GALNT13: variants seen among roughly 807,000 people sequenced by gnomAD.
GALNT13 encodes UDP-GalNAc:polypeptide N-acetylgalactosaminyltransferase 13.
GALNT13 carries 28 observed loss-of-function variants against 64.2 expected under a neutral mutation model. The ratio of observed to expected loss-of-function variants is 0.44; its 90% CI spans 0.32 to 0.60. GALNT13 has a LOEUF of 0.60. Ranked by LOEUF, GALNT13 falls within the 20% of genes least tolerant of loss-of-function variation. The pLI is 0.05. For missense variants in GALNT13, 577 were observed against 669.8 expected, an observed-to-expected ratio of 0.86 and a Z score of 1.53; for synonymous variants, 214 against 224.6, an observed-to-expected ratio of 0.95 and a Z score of 0.42.
At chr2:154,052,734 C>CTTTTT (rs548779869) in intron 3 of GALNT13, among the ~76,000 whole-genome samples, 3 of 123,132 alleles carry the variant, frequency 2.4e-5, no homozygotes, top group African/African-American at 3.0e-5. Flanking sequence ...ACAGAATTGA[C>CTTTTT]TTTTTTTTTT....
chr2:153,777,978 A>C, the GALNT13 span, among the ~76,000 whole-genome samples: 3 of 152,288 alleles, frequency 2.0e-5, no homozygotes, highest in South Asian at 6.2e-4. Flanking sequence ...ATTGAGTGGA[A>C]GTAGTTCTCA....
chr2:153,743,811 C>G, the GALNT13 span, among the ~76,000 whole-genome samples: 282 of 152,250 alleles, frequency 1.9e-3, 1 homozygote, highest in Non-Finnish European at 3.3e-3. Context: ...TTCCCCACTT[C>G]CCACCTCTAC....
chr2:153,261,235 T>G, the GALNT13 span, among the ~76,000 whole-genome samples: 1 of 152,180 alleles, frequency 6.6e-6, no homozygotes, highest in Non-Finnish European at 1.5e-5. Flanking sequence ...GGTGAGATTG[T>G]GCTTTCCTGT....
chr2:154,206,517 G>A (rs368613712), intron 4 of GALNT13, among the ~76,000 whole-genome samples: 2 of 151,860 alleles, frequency 1.3e-5, no homozygotes, highest in East Asian at 2.0e-4. Flanking sequence ...AACGGGGGTC[G>A]GGCGCGGTGG....
the GALNT13 span, among the ~76,000 whole-genome samples, chr2:153,227,686 A>G: frequency 0.35 from 53,759 of 152,004 alleles, 9,674 homozygotes; most frequent in Middle Eastern, 0.5. Context: ...TAGATGACAT[A>G]CTCATATTCT....
At chr2:153,282,282 T>A in the GALNT13 span, among the ~76,000 whole-genome samples, 229 of 152,370 alleles carry the variant, frequency 1.5e-3, 1 homozygote, top group Middle Eastern at 3.4e-3. Flanking sequence ...CCTGAATTGT[T>A]TTAGAAGTTT....
At chr2:153,162,797 A>G in the GALNT13 span, among the ~76,000 whole-genome samples, 1 of 152,236 alleles carries the variant, frequency 6.6e-6, no homozygotes, top group Non-Finnish European at 1.5e-5. Context: ...AGTTCTGACC[A>G]TGAGATTCAA....
the GALNT13 span, among the ~76,000 whole-genome samples, chr2:153,193,610 CA>C: frequency 2.0e-5 from 3 of 150,700 alleles, no homozygotes; most frequent in African/African-American, 7.3e-5. Flanking sequence ...AACAAACAAA[CA>C]AAAAAATAGG....
chr2:153,361,821 C>A, the GALNT13 span, among the ~76,000 whole-genome samples: 1 of 152,144 alleles, frequency 6.6e-6, no homozygotes, highest in Non-Finnish European at 1.5e-5. Flanking sequence ...TCCAGGAAAA[C>A]TTCCCCAGCC....
chr2:154,337,943 A>C (rs2105214692), intron 9 of GALNT13, among the ~76,000 whole-genome samples: 1 of 152,128 alleles, frequency 6.6e-6, no homozygotes, highest in South Asian at 2.1e-4. Flanking sequence ...CAGCAAGCAA[A>C]ATTAGTTCCT....
intron 3 of GALNT13, among the ~76,000 whole-genome samples, chr2:154,017,669 A>T (rs1007061894): frequency 1.3e-5 from 2 of 152,214 alleles, no homozygotes; most frequent in African/African-American, 4.8e-5. Context: ...AGTTATTCGT[A>T]TCGCTCTGGC....
the GALNT13 span, among the ~76,000 whole-genome samples, chr2:153,344,148 T>A: frequency 1.3e-5 from 2 of 152,182 alleles, no homozygotes; most frequent in African/African-American, 4.8e-5. Context: ...CAAAAGGATA[T>A]TTTCCAACAT....
At chr2:154,108,812 A>G (rs1182161675) in intron 3 of GALNT13, among the ~76,000 whole-genome samples, 1 of 152,074 alleles carries the variant, frequency 6.6e-6, no homozygotes, top group East Asian at 1.9e-4. Flanking sequence ...GCATGTGGAT[A>G]TTCAGCTTTT....
upstream of GALNT13, among the ~76,000 whole-genome samples, chr2:153,867,355 G>T (rs755881903): frequency 6.6e-6 from 1 of 151,690 alleles, no homozygotes; most frequent in Non-Finnish European, 1.5e-5. Context: ...TGTAGTGATC[G>T]ATATGTTATG....
the GALNT13 span, among the ~76,000 whole-genome samples, chr2:153,766,145 AT>A: frequency 0.012 from 1,695 of 144,652 alleles, 33 homozygotes; most frequent in African/African-American, 0.038. Flanking sequence ...CATGGTTGGC[AT>A]TTTTTTTTTT....
the GALNT13 span, among the ~76,000 whole-genome samples, chr2:153,373,611 T>C: frequency 6.6e-6 from 1 of 152,230 alleles, no homozygotes; most frequent in African/African-American, 2.4e-5. Flanking sequence ...TCACCCACTT[T>C]TCAGTGTACA....
the GALNT13 span, among the ~76,000 whole-genome samples, chr2:153,347,674 A>G: frequency 6.6e-6 from 1 of 152,188 alleles, no homozygotes; most frequent in Non-Finnish European, 1.5e-5. Context: ...TAGAGGAAAT[A>G]GGAGTCATAC....
chr2:153,285,825 G>T, the GALNT13 span, among the ~76,000 whole-genome samples: 1 of 151,934 alleles, frequency 6.6e-6, no homozygotes, highest in South Asian at 2.1e-4. Flanking sequence ...TACCAGAAAA[G>T]GTAAAATTAT....
chr2:154,410,945 C>A (rs191123323), intron 11 of GALNT13, among the ~76,000 whole-genome samples: 1 of 151,888 alleles, frequency 6.6e-6, no homozygotes, highest in Non-Finnish European at 1.5e-5. Flanking sequence ...TAAGCTATCT[C>A]ACTCTACTGC....
Sources: allele counts gnomAD v4.1 joint callset (sites outside exome capture counted in the v4.1 genomes callset), GRCh38; gene constraint gnomAD v4.1.1; transcripts MANE v1.5; gene names NCBI Gene and HGNC (gene_info 2026-07-23, HGNC 2026-07-21).